Variants in APOB observed in about 807,000 individuals in gnomAD.
The protein encoded by APOB is apolipoprotein B-100.
In APOB, 153 loss-of-function variants were observed where a neutral mutation model predicts 314.1. The observed-to-expected ratio is 0.49, with a 90% CI of 0.43 to 0.56. APOB has a LOEUF of 0.56. Among genes scored for constraint, APOB ranks in the 20% least tolerant of loss-of-function variants. The pLI is 0.00. For synonymous variants in APOB, 2,087 were observed against 2,036.4 expected (o/e 1.02, Z -0.67); for missense variants, 5,430 against 5,350.7 (o/e 1.01, Z -0.46).
rs780811733 is a variant in APOB at position 21,005,549 on chromosome 2, C to T, written c.11319G>A (p.Lys3773=). Residue 3773 remains lysine, a synonymous_variant, in exon 26 of 29, where the codon AAG becomes AAA. Transcript: ENST00000233242. ...LDFREIQIYK[K]LRTSSFALNL... is the part of the protein sequence containing the mutation. ...TGAGGGCAAATGATGAAGTTCTCAG[C>T]TTCTTATAGATTTGTATTTCTCTGA... 2.9e-5 allele frequency: 46 copies of T among 1,613,994 alleles called. No homozygotes were observed. Among genetic ancestry groups the T allele is most frequent in the Non-Finnish European group, 3.6e-5 (42 of 1,179,974 alleles).
intron 2 of APOB, among the ~76,000 whole-genome samples, 172 bp downstream of exon 2, chr2:21,043,341 T>C (rs1395957331): frequency 6.7e-6 from 1 of 148,446 alleles, no homozygotes; most frequent in Non-Finnish European, 1.5e-5. Flanking sequence ...TAGAAGAGAG[T>C]TGGCATCCCT....
chr2:21,040,912 G>A (rs750493035), intron 4 of APOB, 26 bp downstream of exon 4: 43 of 1,613,096 alleles, frequency 2.7e-5, no homozygotes, highest in South Asian at 8.8e-5. Context: ...ACACACATGC[G>A]TGTGCTCATG....
In APOB at chr2:21,011,005, C is replaced by A. The variant is rs368970025; in HGVS notation, c.5863G>T (p.Val1955Leu). 6.2e-7 allele frequency: 1 copy of A among 1,613,982 alleles called. No homozygotes were observed. The highest frequency in any genetic ancestry group is 1.7e-5 in the Admixed American group (1 of 60,002). The change falls in exon 26 of 29, where the codon GTG becomes TTG. Residue 1955 changes from valine to leucine, a missense_variant. Physicochemically the swap from Val to Leu is conservative, Grantham distance 32. This residue lies in a region of APOB where 3,281 missense variants were observed against 3,171.0 expected (regional missense o/e 1.03). Coordinates refer to ENST00000233242, the MANE Select transcript of APOB (RefSeq NM_000384.3). ...DYKGSTSHHL[V>L]SRKSISAALE... ...GCTGCACTGATGCTTTTCCTAGACA[C>A]GAGATGATGACTTGTGGAGCCTTTG...
At position 21,019,859 on chromosome 2, in the gene APOB, G is replaced by C. The variant is rs13306206; in HGVS notation, c.2863C>G (p.Pro955Ala). The C allele has an allele frequency of 3.1e-6, 5 of 1,614,188 alleles. No homozygotes were observed. In the African/African-American group the frequency reaches 6.7e-5, roughly 22 times the overall value. The change falls in exon 19 of 29, where the codon CCT becomes GCT. Residue 955 changes from proline (P) to alanine (A), a missense_variant. Physicochemically the swap from Pro to Ala is conservative, Grantham distance 27 (BLOSUM62 -1). This residue lies in a region of APOB where 2,085 missense variants were observed against 2,079.7 expected (regional missense o/e 1.00). Coordinates refer to ENST00000233242, the MANE Select transcript of APOB (RefSeq NM_000384.3). ...CAGGACTGCCTGTTCTCAATGAGAG[G>C]TGGGATCACCTCCGTTTTGGTGGTA... ...VSTTKTEVIP[P>A]LIENRQSWSV...
chr2:21,004,316 C>G lies in APOB; in HGVS notation c.12040G>C (p.Asp4014His). The change falls in exon 28 of 29, where the codon GAT becomes CAT. Residue 4014 changes from aspartate (D) to histidine (H), a missense_variant. Coordinates refer to ENST00000233242, the MANE Select transcript of APOB (RefSeq NM_000384.3). ...PAVGTVGMDMDEDDDFSKWNF... is the reference protein window; with the variant it reads ...PAVGTVGMDMHEDDDFSKWNF... ...CATTTAGAAAAGTCGTCATCTTCATCCATATCCATGCCCACGGTGCCTACG... is the reference window on the plus strand; with the variant it reads ...CATTTAGAAAAGTCGTCATCTTCATGCATATCCATGCCCACGGTGCCTACG... 6.2e-7 allele frequency: 1 copy of G among 1,613,992 alleles called. No homozygotes were observed. The highest frequency in any genetic ancestry group is 8.5e-7 in the Non-Finnish European group (1 of 1,179,924).
Position 21,010,813 on chromosome 2 carries a change from G to C in APOB, c.6055C>G (p.Leu2019Val), listed in dbSNP as rs1020070176. 6.2e-7 allele frequency: 1 copy of C among 1,614,144 alleles called. No homozygotes were observed. The change falls in exon 26 of 29, where the codon CTA becomes GTA. Residue 2019 changes from leucine to valine, a missense_variant. Physicochemically the swap from Leu to Val is conservative, Grantham distance 32. Coordinates refer to ENST00000233242, the MANE Select transcript of APOB (RefSeq NM_000384.3). ...GGCACTTTAATTGGGGAGTCTAGTA[G>C]AGTTAGGTCAGCCAGAGTTCGTCCA... Reference protein sequence around the residue: ...LTGRTLADLTLLDSPIKVPLL... With the variant: ...LTGRTLADLTVLDSPIKVPLL...
chr2:21,025,297 T>C (rs1359802840), intron 15 of APOB, among the ~76,000 whole-genome samples, 173 bp from the exon 16 acceptor site: 1 of 152,150 alleles, frequency 6.6e-6, no homozygotes, highest in East Asian at 1.9e-4. Context: ...ATTAAAGAAC[T>C]AAGGTCTTGT....
At chr2:21,017,038 TAAATAAAG>T (rs945749764) in intron 20 of APOB, among the ~76,000 whole-genome samples, 10 of 131,220 alleles carry the variant, frequency 7.6e-5, no homozygotes, top group Non-Finnish European at 1.2e-4. Context: ...AATAAATAAA[TAAATAAAG>T]AAGCTATGTT....
chr2:21,035,801 G>A, intron 6 of APOB, 93 bp from the exon 7 acceptor site: 2 of 1,264,714 alleles, frequency 1.6e-6, no homozygotes, highest in African/African-American at 1.5e-5. Context: ...CAGGAGTCCT[G>A]TACCACTAGA....
Position 21,010,453 on chromosome 2 carries a change from T to C in APOB, c.6415A>G (p.Lys2139Glu). 1 of 1,609,560 alleles carries C rather than the reference T, an allele frequency of 6.2e-7. No individual in the cohort carries two copies. Among genetic ancestry groups the C allele is most frequent in the South Asian group, 1.1e-5 (1 of 90,676 alleles). The change falls in exon 26 of 29, where the codon AAG (lysine) becomes GAG (glutamate). Residue 2139 changes from lysine (K) to glutamate (E), a missense_variant. Around this residue, in one of 3 missense-constraint regions of APOB, gnomAD observed 3,281 missense variants for 3,171.0 expected, o/e 1.03. Coordinates refer to ENST00000233242, the MANE Select transcript of APOB (RefSeq NM_000384.3). Reference sequence around the variant, plus strand: ...TTTGTGAGAGCAGTCAGTTTCTCCTTGGCATGTGAAACTTGTCTCTCCCAA... The same window carrying C: ...TTTGTGAGAGCAGTCAGTTTCTCCTCGGCATGTGAAACTTGTCTCTCCCAA... ...FNWERQVSHA[K>E]EKLTALTKKY... is the part of the protein sequence containing the mutation.
intron 4 of APOB, among the ~76,000 whole-genome samples, chr2:21,040,549 C>A (rs750794700): frequency 6.6e-6 from 1 of 152,206 alleles, no homozygotes; most frequent in Non-Finnish European, 1.5e-5. Context: ...CTCTGCCCTG[C>A]GGTGAACAGA....
intron 7 of APOB, among the ~76,000 whole-genome samples, 157 bp downstream of exon 7, chr2:21,035,427 C>G (rs1424435893): frequency 6.6e-6 from 1 of 152,128 alleles, no homozygotes; most frequent in Non-Finnish European, 1.5e-5. Flanking sequence ...TGCCAAATGG[C>G]CTGTTCGCTT....
chr2:21,017,631 C>A (rs76693756), intron 20 of APOB, among the ~76,000 whole-genome samples: 2 of 152,110 alleles, frequency 1.3e-5, no homozygotes, highest in African/African-American at 2.4e-5. Flanking sequence ...CAGGAAGACA[C>A]GACATCTCTA....
intron 18 of APOB, among the ~76,000 whole-genome samples, chr2:21,021,844 G>A (rs189871643): frequency 1.3e-5 from 2 of 152,282 alleles, no homozygotes; most frequent in African/African-American, 4.8e-5. Context: ...CTTACTCTAT[G>A]ATTACTGCTT....
chr2:21,023,370 A>T (rs1054045653), intron 17 of APOB, 155 bp downstream of exon 17: 8 of 868,742 alleles, frequency 9.2e-6, no homozygotes, highest in African/African-American at 1.7e-5. Context: ...ATTCTGGTGG[A>T]AGCTTGAAGT....
In APOB at chr2:21,002,342, ATTG is replaced by A; in HGVS notation, c.13077_13079del (p.Asn4360del). ...CCTGAAGCTCGTTTTGAATAAATTC[ATTG>A]AACTTATGAAGATTAAGGCATAGGT... On this transcript the variant is annotated inframe_deletion, in exon 29 of 29. Transcript: ENST00000233242. The A allele has an allele frequency of 6.2e-7, 1 of 1,612,282 alleles. No homozygotes were observed. The highest frequency in any genetic ancestry group is 8.5e-7 in the Non-Finnish European group (1 of 1,179,404).
In APOB at chr2:21,034,881, G is replaced by A. The variant is rs756602100; in HGVS notation, c.839C>T (p.Ala280Val). ...AAGTTTCAAAGTCTGTGTCACTTGTGCTACCATCCCATACTTATTCCTGGT... is the reference window on the plus strand; with the variant it reads ...AAGTTTCAAAGTCTGTGTCACTTGTACTACCATCCCATACTTATTCCTGGT... ...FSYKNKYGMVAQVTQTLKLED... is the reference protein window; with the variant it reads ...FSYKNKYGMVVQVTQTLKLED... The change falls in exon 8 of 29, where the codon GCA (alanine) becomes GTA (valine). Residue 280 changes from alanine to valine, a missense_variant. Ala to Val is a moderately conservative substitution (Grantham distance 64, BLOSUM62 0). Transcript: ENST00000233242. 3 of 1,585,510 alleles carry A rather than the reference G, an allele frequency of 1.9e-6. No homozygotes were observed. The highest frequency in any genetic ancestry group is 2.6e-6 in the Non-Finnish European group (3 of 1,153,934).
At chr2:21,016,915 CG>C in intron 20 of APOB, among the ~76,000 whole-genome samples, 2 of 151,414 alleles carry the variant, frequency 1.3e-5, no homozygotes, top group African/African-American at 2.4e-5. Flanking sequence ...ACCCGGGAGG[CG>C]GGGCTTGCAG....
intron 4 of APOB, among the ~76,000 whole-genome samples, chr2:21,040,725 AAC>A (rs1421421926): frequency 5.3e-5 from 8 of 152,236 alleles, no homozygotes; most frequent in Non-Finnish European, 8.8e-5. Flanking sequence ...GATTTTTAGA[AAC>A]ACATGAAAAT....
Sources: allele counts gnomAD v4.1 joint callset (sites outside exome capture counted in the v4.1 genomes callset), GRCh38; gene constraint gnomAD v4.1.1; regional missense constraint gnomAD v4.1.1; transcripts MANE v1.5; gene names NCBI Gene and HGNC (gene_info 2026-07-23, HGNC 2026-07-21).